The following PRDM11 variants were observed in gnomAD, a reference collection of about 807,000 sequenced individuals.
PRDM11 encodes PR/SET domain 11, also known as PR domain-containing protein 11.
A neutral mutation model predicts 97.8 loss-of-function variants in PRDM11; 20 were observed. The observed-to-expected ratio is 0.20, with a 90% confidence interval of 0.14 to 0.30. PRDM11 has a LOEUF of 0.30. Among genes scored for constraint, PRDM11 ranks in the 10% least tolerant of loss-of-function variants. PRDM11 has a pLI of 1.00. For missense variants in PRDM11, 1,139 were observed against 1,555.2 expected, an observed-to-expected ratio of 0.73 and a Z score of 4.50; for synonymous variants, 599 against 637.7, an observed-to-expected ratio of 0.94 and a Z score of 0.91.
upstream of PRDM11, chr11:45,095,759 G>C: frequency 1.4e-6 from 1 of 703,550 alleles, no homozygotes; most frequent in Non-Finnish European, 2.6e-6. Flanking sequence ...CCGCAGATAC[G>C]ATGGCTACAG....
intron 7 of PRDM11, among the ~76,000 whole-genome samples, chr11:45,225,552 G>T (rs1854254070): frequency 6.6e-6 from 1 of 152,196 alleles, no homozygotes; most frequent in Middle Eastern, 3.2e-3. Context: ...TTTTGATCCT[G>T]AAATCACTTG....
intron 1 of PRDM11, among the ~76,000 whole-genome samples, chr11:45,151,517 A>G (rs1261397360): frequency 6.6e-6 from 1 of 152,184 alleles, no homozygotes; most frequent in East Asian, 1.9e-4. Context: ...TCCTTCATTC[A>G]TTGACCAGGT....
intron 4 of PRDM11, among the ~76,000 whole-genome samples, chr11:45,189,218 A>G (rs1372598185): frequency 6.6e-6 from 1 of 152,128 alleles, no homozygotes; most frequent in Non-Finnish European, 1.5e-5. Flanking sequence ...CAGGGTTTCT[A>G]TGTAAGTTTT....
At chr11:45,181,685 C>T (rs989776568) in intron 1 of PRDM11, 76 bp from the exon 2 acceptor site, 98 of 1,259,148 alleles carry the variant, frequency 7.8e-5, no homozygotes, top group Non-Finnish European at 1.1e-4. Context: ...CCCCCACTTG[C>T]CCTCTCCGCC....
chr11:45,171,853 A>G (rs1019841877), intron 1 of PRDM11, among the ~76,000 whole-genome samples: 1 of 152,198 alleles, frequency 6.6e-6, no homozygotes, highest in Non-Finnish European at 1.5e-5. Flanking sequence ...TGTCTCTGAG[A>G]TGGTTCCCAA....
chr11:45,161,713 C>T (rs1851932886), intron 1 of PRDM11, among the ~76,000 whole-genome samples: 1 of 152,234 alleles, frequency 6.6e-6, no homozygotes, highest in Non-Finnish European at 1.5e-5. Flanking sequence ...CAAATTGGTG[C>T]AGCTGATGAT....
intron 1 of PRDM11, among the ~76,000 whole-genome samples, chr11:45,108,005 G>T (rs958479348): frequency 6.6e-6 from 1 of 151,890 alleles, no homozygotes; most frequent in Non-Finnish European, 1.5e-5. Context: ...AACTTATTTT[G>T]TGTGTGTATT....
At chr11:45,215,491 A>G (rs553508569) in intron 5 of PRDM11, among the ~76,000 whole-genome samples, 1 of 152,352 alleles carries the variant, frequency 6.6e-6, no homozygotes, top group South Asian at 2.1e-4. Context: ...CAATGTATGA[A>G]GCAGTGACTG....
At chr11:45,096,344 C>A (rs1261461223) in intron 1 of PRDM11, among the ~76,000 whole-genome samples, 1 of 152,152 alleles carries the variant, frequency 6.6e-6, no homozygotes, top group Admixed American at 6.5e-5. Flanking sequence ...GTGCAGGCAC[C>A]GTGCTGGATG....
chr11:45,141,357 T>C (rs888533955), intron 1 of PRDM11, among the ~76,000 whole-genome samples: 4 of 152,210 alleles, frequency 2.6e-5, no homozygotes, highest in Admixed American at 2.0e-4. Context: ...CCACAGAATA[T>C]GGCAGCAGTG....
chr11:45,212,771 G>A (rs1853802523), intron 5 of PRDM11: 4 of 456,386 alleles, frequency 8.8e-6, no homozygotes, highest in Non-Finnish European at 1.8e-5. Flanking sequence ...CCAGGAGCTG[G>A]TGACCGTGCA....
At chr11:45,155,016 C>G (rs1296009089) in intron 1 of PRDM11, among the ~76,000 whole-genome samples, 1 of 152,140 alleles carries the variant, frequency 6.6e-6, no homozygotes, top group Non-Finnish European at 1.5e-5. Flanking sequence ...CTGGAAGGAG[C>G]TTGGGGTAGA....
At position 45,162,108 on chromosome 11, in the gene PRDM11, G is replaced by A. The variant is rs1195401808; in HGVS notation, c.-7+15231G>A. 2.0e-5 allele frequency among the ~76,000 whole-genome samples: 3 copies of A among 152,324 alleles called. No individual in the cohort carries two copies. The South Asian group carries it at 6.2e-4, about 32-fold the overall frequency. ...GGTTTGGGATTATTTCCTAAGAGGC[G>A]AGAAGCACCATGGGTTGCCCTGGGC... On this transcript the variant is annotated intron_variant, in intron 1 of 7. Transcript: ENST00000683152.
chr11:45,163,633 C>T (rs1368659033), intron 1 of PRDM11, among the ~76,000 whole-genome samples: 3 of 152,268 alleles, frequency 2.0e-5, no homozygotes, highest in Admixed American at 6.5e-5. Context: ...CAGTTCTAGC[C>T]TAGGCTCAAC....
Position 45,163,498 on chromosome 11 carries a change from T to TA in PRDM11, c.-7+16622dup, listed in dbSNP as rs948589340. On this transcript the variant is annotated intron_variant, in intron 1 of 7. Coordinates refer to ENST00000683152, the MANE Select transcript of PRDM11 (RefSeq NM_001384648.1). ...GCAGGTGCTTGAGGATGGGGGGGGG[T>TA]ACCCGGTGGTCCCAGGAAGTAACTC... Among the ~76,000 whole-genome samples the TA allele has an allele frequency of 1.3e-3, 170 of 131,424 alleles. 1 individual carries two copies. The highest frequency in any genetic ancestry group is 3.3e-3 in the Admixed American group (42 of 12,728). The allele number at this position is 131,424 out of a possible 152,430, so 86.2% of individuals were successfully genotyped here.
chr11:45,135,784 A>G (rs1157299246), intron 1 of PRDM11, among the ~76,000 whole-genome samples: 1 of 152,172 alleles, frequency 6.6e-6, no homozygotes, highest in Non-Finnish European at 1.5e-5. Flanking sequence ...CAAAATCCCA[A>G]TGGCTTCCTC....
In PRDM11 at chr11:45,234,754, TC is replaced by T. The variant is rs1271444571; in HGVS notation, c.*6597del. On this transcript the variant is annotated 3_prime_UTR_variant, in exon 8 of 8. Transcript: ENST00000683152. ...ACCTCTCAGTCTTCACTTTTGTCTC[TC>T]CGGAAGAACCAGCAGTCTGATTCCG... 1 of 152,290 alleles carries T rather than the reference TC, an allele frequency of 6.6e-6. No individual in the cohort carries two copies. Among genetic ancestry groups the T allele is most frequent in the Non-Finnish European group, 1.5e-5 (1 of 68,170 alleles). The allele number at this position is 152,290 out of a possible 1,614,324, so 9.4% of individuals were successfully genotyped here.
At chr11:45,130,850 G>A (rs1200614723) in intron 1 of PRDM11, among the ~76,000 whole-genome samples, 6 of 152,058 alleles carry the variant, frequency 3.9e-5, no homozygotes, top group South Asian at 2.1e-4. Context: ...GTTATGAGAC[G>A]TTTAGGTGTT....
At chr11:45,117,257 G>A (rs993042750) in intron 1 of PRDM11, among the ~76,000 whole-genome samples, 1 of 148,318 alleles carries the variant, frequency 6.7e-6, no homozygotes, top group Admixed American at 6.7e-5. Context: ...AGAGTTCCCA[G>A]TGGCCAACGT....
Sources: gnomAD v4.1 joint callset for allele counts (sites outside exome capture counted in the v4.1 genomes callset) on GRCh38, gnomAD v4.1.1 for gene constraint, MANE v1.5 for transcripts, NCBI Gene and HGNC (gene_info 2026-07-23, HGNC 2026-07-21) for gene names.